DNAAF11: variants seen among roughly 807,000 people sequenced by gnomAD.
DNAAF11 encodes leucine rich repeat containing 6.
DNAAF11 carries 45 observed loss-of-function variants against 60.8 expected under a neutral mutation model. The observed-to-expected ratio is 0.74, with a 90% CI of 0.58 to 0.95. The LOEUF is 0.95. DNAAF11 is among the 40% of genes least tolerant of loss of function. The pLI is 0.00. For missense variants in DNAAF11, 546 were observed against 546.2 expected, an observed-to-expected ratio of 1.00 and a Z score of 0.00; for synonymous variants, 191 against 183.5, an observed-to-expected ratio of 1.04 and a Z score of -0.33.
At chr8:132,621,329 C>A (rs1819739210) in intron 7 of DNAAF11, among the ~76,000 whole-genome samples, 1 of 152,066 alleles carries the variant, frequency 6.6e-6, no homozygotes, top group South Asian at 2.1e-4. Context: ...AAAGGGGTGA[C>A]AATGAGTTGA....
At chr8:132,656,630 C>T (rs1823601048) in intron 3 of DNAAF11, among the ~76,000 whole-genome samples, 200 bp downstream of exon 3, 2 of 152,206 alleles carry the variant, frequency 1.3e-5, no homozygotes, top group South Asian at 4.2e-4. Context: ...TGCCACCACG[C>T]CTGGCTAATT....
At chr8:132,631,855 G>A (rs1486355866) in intron 5 of DNAAF11, among the ~76,000 whole-genome samples, 2 of 152,060 alleles carry the variant, frequency 1.3e-5, no homozygotes, top group Non-Finnish European at 2.9e-5. Flanking sequence ...TCACACACCG[G>A]GGCCTGTTGT....
chr8:132,663,863 G>C (rs1824366631), intron 1 of DNAAF11, among the ~76,000 whole-genome samples: 1 of 152,186 alleles, frequency 6.6e-6, no homozygotes, highest in African/African-American at 2.4e-5. Context: ...GATGTCCAAG[G>C]GTCAGCTGTT....
intron 1 of DNAAF11, among the ~76,000 whole-genome samples, chr8:132,667,737 A>G (rs767541256): frequency 1.3e-5 from 2 of 152,170 alleles, no homozygotes; most frequent in Non-Finnish European, 2.9e-5. Context: ...TTTAATCAAA[A>G]CACATCAGCT....
the DNAAF11 span, among the ~76,000 whole-genome samples, chr8:132,688,613 T>A: frequency 1.3e-5 from 2 of 152,230 alleles, no homozygotes; most frequent in Non-Finnish European, 2.9e-5. Flanking sequence ...GGGACACTTA[T>A]TTTCTCCTGA....
intron 1 of DNAAF11, among the ~76,000 whole-genome samples, chr8:132,667,406 T>G (rs1824743236): frequency 6.6e-6 from 1 of 152,216 alleles, no homozygotes; most frequent in Non-Finnish European, 1.5e-5. Flanking sequence ...GTTCCCTTCC[T>G]TCTATAAATA....
chr8:132,597,404 C>A (rs903387232), intron 10 of DNAAF11, among the ~76,000 whole-genome samples: 5 of 152,128 alleles, frequency 3.3e-5, no homozygotes, highest in African/African-American at 1.2e-4. Flanking sequence ...AAGCTGATTC[C>A]ATTCTTGGAT....
chr8:132,654,213 A>T (rs1823310983), intron 3 of DNAAF11, among the ~76,000 whole-genome samples: 1 of 152,160 alleles, frequency 6.6e-6, no homozygotes. Context: ...ACATAAATTC[A>T]TCAAAAAGAT....
At chr8:132,578,490 C>G (rs1218921850) in intron 11 of DNAAF11, 15 of 1,534,546 alleles carry the variant, frequency 9.8e-6, no homozygotes, top group Non-Finnish European at 1.3e-5. Flanking sequence ...CTGTCAGAAA[C>G]ATCACCTCTA....
rs766745770 is a variant in DNAAF11 at position 132,572,028 on chromosome 8, T to A, written c.*278A>T. ...ATACTTTGCATAAGTAGACAGTATTTATAATCAGTGTTTTATGCAATAGTT... is the reference window on the plus strand; with the variant it reads ...ATACTTTGCATAAGTAGACAGTATTAATAATCAGTGTTTTATGCAATAGTT... On this transcript the variant is annotated 3_prime_UTR_variant, in exon 12 of 12. Coordinates refer to ENST00000620350, the MANE Select transcript of DNAAF11 (RefSeq NM_012472.6). 3.3e-6 allele frequency: 1 copy of A among 302,698 alleles called. No homozygotes were observed. 18.8% of individuals were successfully genotyped at this position (302,698 alleles called of 1,614,324 possible). A position where few individuals can be genotyped will look rare whatever the true frequency, so the allele number is the denominator to read the frequency against.
At chr8:132,615,567 T>C (rs899796044) in intron 7 of DNAAF11, among the ~76,000 whole-genome samples, 1 of 152,214 alleles carries the variant, frequency 6.6e-6, no homozygotes, top group Non-Finnish European at 1.5e-5. Context: ...ATCGCTGACC[T>C]TTCCATTGCC....
rs1824124056 is a variant in DNAAF11, at chr8:132,661,474, A to T, written c.164T>A (p.Leu55His). 1 of 1,612,014 alleles carries T rather than the reference A, an allele frequency of 6.2e-7. No individual in the cohort carries two copies. Among genetic ancestry groups the T allele is most frequent in the African/African-American group, 1.3e-5 (1 of 74,816 alleles). The change falls in exon 2 of 12, where the codon CTT becomes CAT. Residue 55 changes from leucine (L) to histidine (H), a missense_variant. Physicochemically the swap from Leu to His is moderately conservative, Grantham distance 99 (BLOSUM62 -3). Transcript: ENST00000620350. ...CTGAAACTTACCAATTTTCCCAATA[A>T]GATTATTTTGAAGATAGAGAATTTT... Reference protein sequence around the residue: ...DLKILYLQNNLIGKIENVSKL... With the variant: ...DLKILYLQNNHIGKIENVSKL...
At position 132,571,314 on chromosome 8, in the gene DNAAF11, G is replaced by A. The variant is rs1814162055; in HGVS notation, c.*992C>T. On this transcript the variant is annotated 3_prime_UTR_variant, in exon 12 of 12. Transcript: ENST00000620350. ...CTAGCACTCAATAGTTGCTCAATAAGTATTTGTTGAATGAATATTTGGGGA... is the reference window on the plus strand; with the variant it reads ...CTAGCACTCAATAGTTGCTCAATAAATATTTGTTGAATGAATATTTGGGGA... Among the ~76,000 whole-genome samples the A allele has an allele frequency of 6.6e-6, 1 of 152,140 alleles. No homozygotes were observed. The highest frequency in any genetic ancestry group is 2.4e-5 in the African/African-American group (1 of 41,424).
chr8:132,644,308 T>C (rs2130633522), intron 3 of DNAAF11, among the ~76,000 whole-genome samples: 1 of 152,242 alleles, frequency 6.6e-6, no homozygotes, highest in South Asian at 2.1e-4. Context: ...ACAAACGTAA[T>C]TAAAAACACC....
At chr8:132,691,263 T>G in the DNAAF11 span, among the ~76,000 whole-genome samples, 1 of 151,524 alleles carries the variant, frequency 6.6e-6, no homozygotes, top group Non-Finnish European at 1.5e-5. Flanking sequence ...ATTGTTCAAA[T>G]TAGTTCATCT....
At chr8:132,643,476 G>C (rs1293652975) in intron 3 of DNAAF11, 1 of 355,702 alleles carries the variant, frequency 2.8e-6, no homozygotes, top group African/African-American at 2.1e-5. Context: ...ATGTGGGAGA[G>C]TTGGGGAGCA....
chr8:132,625,887 A>G (rs1255298548), intron 5 of DNAAF11, among the ~76,000 whole-genome samples: 2 of 152,210 alleles, frequency 1.3e-5, no homozygotes, highest in East Asian at 3.8e-4. Flanking sequence ...TCTGATGATC[A>G]GACAAGAAAT....
At chr8:132,605,687 G>C (rs1401169820) in intron 10 of DNAAF11, among the ~76,000 whole-genome samples, 1 of 152,134 alleles carries the variant, frequency 6.6e-6, no homozygotes, top group African/African-American at 2.4e-5. Context: ...AGCAGGAACA[G>C]GGGATACAGA....
At chr8:132,671,163 C>T (rs945840018) in intron 1 of DNAAF11, among the ~76,000 whole-genome samples, 2 of 151,996 alleles carry the variant, frequency 1.3e-5, no homozygotes, top group African/African-American at 4.8e-5. Context: ...ATATGACTGT[C>T]TACAGAGAAT....
Sources: allele counts gnomAD v4.1 joint callset (sites outside exome capture counted in the v4.1 genomes callset), GRCh38; gene constraint gnomAD v4.1.1; transcripts MANE v1.5; gene names NCBI Gene and HGNC (gene_info 2026-07-23, HGNC 2026-07-21).